Variants in KANSL1L observed in about 807,000 individuals in gnomAD.
The protein encoded by KANSL1L is KAT8 regulatory NSL complex subunit 1 like.
A neutral mutation model predicts 108.6 loss-of-function variants in KANSL1L; 25 were observed. That is an observed-to-expected ratio of 0.23 (90% CI 0.17 to 0.32). The LOEUF is 0.32. Ranked by LOEUF, KANSL1L falls within the 10% of genes least tolerant of loss-of-function variation. The pLI is 1.00. For missense variants in KANSL1L, 1,137 were observed against 1,125.7 expected, an observed-to-expected ratio of 1.01 and a Z score of -0.14; for synonymous variants, 405 against 395.1, an observed-to-expected ratio of 1.03 and a Z score of -0.30.
At chr2:210,118,170 A>G (rs2094974592) in intron 3 of KANSL1L, among the ~76,000 whole-genome samples, 1 of 149,612 alleles carries the variant, frequency 6.7e-6, no homozygotes, top group African/African-American at 2.5e-5. Flanking sequence ...CCATCTCAAA[A>G]AAAAAAAAAA....
At chr2:210,097,586 G>A (rs1169484365) in intron 5 of KANSL1L, among the ~76,000 whole-genome samples, 1 of 152,028 alleles carries the variant, frequency 6.6e-6, no homozygotes. Context: ...TAGATAAATT[G>A]TTAATGTTTA....
chr2:210,150,719 T>C (rs1017863949), intron 2 of KANSL1L, among the ~76,000 whole-genome samples: 2 of 149,258 alleles, frequency 1.3e-5, no homozygotes, highest in Non-Finnish European at 3.0e-5. Context: ...GACGTGGAGG[T>C]TGCAGTGAGC....
intron 5 of KANSL1L, chr2:210,079,694 A>ATGTGTATATATATATATATATGTATG (rs2094573844): frequency 1.3e-4 from 2 of 15,780 alleles, no homozygotes; most frequent in Non-Finnish European, 2.4e-4. Flanking sequence ...ATATATATGT[A>ATGTGTATATATATATATATATGTATG]TGTGTGTATA....
intron 2 of KANSL1L, among the ~76,000 whole-genome samples, chr2:210,132,118 A>G (rs2095126588): frequency 6.6e-6 from 1 of 151,960 alleles, no homozygotes; most frequent in African/African-American, 2.4e-5. Context: ...ATGTTTTTCT[A>G]AAAAAAATAA....
intron 6 of KANSL1L, among the ~76,000 whole-genome samples, chr2:210,063,105 G>A (rs2094435777): frequency 6.6e-6 from 1 of 152,210 alleles, no homozygotes; most frequent in Non-Finnish European, 1.5e-5. Flanking sequence ...TGTCCCAGCT[G>A]CTCCAGTCAT....
At chr2:210,118,102 G>A (rs2094973337) in intron 3 of KANSL1L, among the ~76,000 whole-genome samples, 1 of 149,300 alleles carries the variant, frequency 6.7e-6, no homozygotes, top group Non-Finnish European at 1.5e-5. Flanking sequence ...GGAGGCAGAG[G>A]TTGCAGTGAG....
chr2:210,092,030 T>C (rs1258665102), intron 5 of KANSL1L, among the ~76,000 whole-genome samples: 1 of 152,228 alleles, frequency 6.6e-6, no homozygotes, highest in Non-Finnish European at 1.5e-5. Flanking sequence ...AGAAGTCAGC[T>C]ATCCGTCTAA....
intron 3 of KANSL1L, among the ~76,000 whole-genome samples, chr2:210,109,955 T>G (rs975404971): frequency 2.0e-5 from 3 of 152,184 alleles, no homozygotes; most frequent in Non-Finnish European, 4.4e-5. Context: ...TCCTAAGGAC[T>G]GGTTTAAGTC....
chr2:210,085,960 A>G (rs1050468962), intron 5 of KANSL1L, among the ~76,000 whole-genome samples: 2 of 150,934 alleles, frequency 1.3e-5, no homozygotes, highest in African/African-American at 4.8e-5. Context: ...ATTCACAGGA[A>G]TCCAAAATTA....
At chr2:210,165,115 A>G (rs1021327741) in intron 1 of KANSL1L, among the ~76,000 whole-genome samples, 1 of 151,346 alleles carries the variant, frequency 6.6e-6, no homozygotes, top group Admixed American at 6.6e-5. Context: ...TCTGCCCACC[A>G]AAGCACTGGC....
chr2:210,117,545 G>A (rs985830395), intron 3 of KANSL1L, among the ~76,000 whole-genome samples: 1 of 152,170 alleles, frequency 6.6e-6, no homozygotes, highest in African/African-American at 2.4e-5. Context: ...ATGTCTGGTA[G>A]CAGACTTCTC....
chr2:210,038,010 A>ATTTT (rs1409297167), intron 8 of KANSL1L, among the ~76,000 whole-genome samples: 1 of 152,090 alleles, frequency 6.6e-6, no homozygotes, highest in Non-Finnish European at 1.5e-5. Context: ...GAAGTAAAAT[A>ATTTT]TTTTTATCCT....
At chr2:210,113,052 A>G (rs577585012) in intron 3 of KANSL1L, among the ~76,000 whole-genome samples, 69 of 152,322 alleles carry the variant, frequency 4.5e-4, no homozygotes, top group African/African-American at 1.5e-3. Context: ...TGTTCTGCAA[A>G]TATTAGGGAT....
intron 3 of KANSL1L, among the ~76,000 whole-genome samples, chr2:210,108,323 T>A (rs908845985): frequency 6.6e-6 from 1 of 152,158 alleles, no homozygotes; most frequent in Non-Finnish European, 1.5e-5. Context: ...TTATCCTGAA[T>A]TAAGAAAAAG....
At chr2:210,078,890 T>C (rs2094560587) in intron 5 of KANSL1L, among the ~76,000 whole-genome samples, 1 of 152,128 alleles carries the variant, frequency 6.6e-6, no homozygotes, top group Non-Finnish European at 1.5e-5. Context: ...TAAATCAATA[T>C]AAGAAACCAT....
Position 210,162,261 on chromosome 2 carries a change from A to G in KANSL1L, c.-29-7650T>C, listed in dbSNP as rs1442160093. On this transcript the variant is annotated intron_variant, in intron 1 of 14. Coordinates refer to ENST00000281772, the MANE Select transcript of KANSL1L (RefSeq NM_152519.4). ...ATATATATGTATATCAATAAAAATT[A>G]AAAAATTAAAGAACTTGTTTCAAGA... is the stretch of plus-strand genomic sequence containing the variant. 7.1e-5 allele frequency among the ~76,000 whole-genome samples: 6 copies of G among 84,568 alleles called. No individual in the cohort carries two copies. The South Asian group carries it at 2.4e-3, about 34-fold the overall frequency. 55.5% of individuals were successfully genotyped at this position (84,568 alleles called of 152,430 possible).
At chr2:210,060,661 T>C (rs982350601) in intron 6 of KANSL1L, among the ~76,000 whole-genome samples, 1 of 152,190 alleles carries the variant, frequency 6.6e-6, no homozygotes, top group African/African-American at 2.4e-5. Context: ...TACCAGAGAT[T>C]AGCAGGTCAA....
chr2:210,116,925 AG>A (rs2094960613), intron 3 of KANSL1L, among the ~76,000 whole-genome samples: 1 of 152,244 alleles, frequency 6.6e-6, no homozygotes, highest in Non-Finnish European at 1.5e-5. Context: ...CCAGAGAGAC[AG>A]GGATGTGACC....
intron 8 of KANSL1L, chr2:210,032,055 CTGATG>C (rs2094025302): frequency 6.6e-6 from 1 of 152,312 alleles, no homozygotes; most frequent in African/African-American, 2.4e-5. Context: ...GTAAAAGTGT[CTGATG>C]TGATAAGTGT....
Sources: allele counts gnomAD v4.1 joint callset (sites outside exome capture counted in the v4.1 genomes callset), GRCh38; gene constraint gnomAD v4.1.1; transcripts MANE v1.5; gene names NCBI Gene and HGNC (gene_info 2026-07-23, HGNC 2026-07-21).